GUCY2F: variants seen among roughly 807,000 people sequenced by gnomAD.
The protein encoded by GUCY2F is guanylate cyclase 2F, retinal, also known as retinal guanylyl cyclase 2.
In GUCY2F, 61 loss-of-function variants were observed where a neutral mutation model predicts 73.1. That is an observed-to-expected ratio of 0.83 (90% confidence interval 0.68 to 1.03). The LOEUF (loss-of-function observed/expected upper bound fraction) is 1.03. Ranked by LOEUF, GUCY2F falls within the 50% of genes least tolerant of loss-of-function variation. GUCY2F has a pLI of 0.00. For missense variants in GUCY2F, 912 were observed against 854.3 expected (o/e 1.07, Z -0.84); for synonymous variants, 331 against 307.8 (o/e 1.08, Z -0.79).
intron 3 of GUCY2F, among the ~76,000 whole-genome samples, chrX:109,456,351 AACAC>A (rs751977498): frequency 1.8e-5 from 2 of 110,814 alleles, no homozygotes; most frequent in African/African-American, 6.6e-5. Flanking sequence ...AATAAGTGAA[AACAC>A]ACACACACAC....
At chrX:109,474,000 A>G (rs1411433535) in intron 2 of GUCY2F, among the ~76,000 whole-genome samples, 1 of 112,298 alleles carries the variant, frequency 8.9e-6, no homozygotes, top group Non-Finnish European at 1.9e-5. Context: ...ATTGCTAAAC[A>G]TCACGGAATC....
chrX:109,379,768 C>T (rs595199), intron 17 of GUCY2F, among the ~76,000 whole-genome samples: 11 of 111,558 alleles, frequency 9.9e-5, no homozygotes, highest in Non-Finnish European at 2.1e-4. Context: ...GCCCACAAGG[C>T]GAGAAATATT....
At chrX:109,392,760 A>T in intron 13 of GUCY2F, 132 bp downstream of exon 13, 1 of 434,120 alleles carries the variant, frequency 2.3e-6, no homozygotes, top group South Asian at 4.8e-5. Flanking sequence ...ACTAAAGCCC[A>T]CTAGGAGAAG....
intron 5 of GUCY2F, among the ~76,000 whole-genome samples, chrX:109,451,227 T>A (rs1340815336): frequency 8.9e-6 from 1 of 112,471 alleles, no homozygotes. Context: ...TTAGGCCATC[T>A]TCAGCCACTT....
At chrX:109,467,448 GATTTA>G (rs1382042565) in intron 2 of GUCY2F, among the ~76,000 whole-genome samples, 1 of 112,411 alleles carries the variant, frequency 8.9e-6, no homozygotes, top group Admixed American at 9.4e-5. Flanking sequence ...GATACAATTT[GATTTA>G]ATTTACTTAA....
chrX:109,418,808 CATT>C (rs1159078680), intron 8 of GUCY2F, among the ~76,000 whole-genome samples: 1 of 110,549 alleles, frequency 9.0e-6, no homozygotes, highest in Non-Finnish European at 1.9e-5. Context: ...AAAATCAAAA[CATT>C]GTTCTTTAAA....
In GUCY2F at chrX:109,408,901, T is replaced by C; in HGVS notation, c.1968+91A>G. The stretch of plus-strand genomic sequence containing the variant: ...ATACAGAAAGTAAGGAGTGAAATGA[T>C]CACAACAATCTGAGGAAAATAAAAT... On this transcript the variant is annotated intron_variant, in intron 9 of 19. Transcript: ENST00000218006. The C allele has an allele frequency of 1.6e-5, 8 of 515,216 alleles. No homozygotes were observed. The South Asian group carries it at 2.4e-4, about 15-fold the overall frequency. 42.5% of individuals were successfully genotyped at this position (515,216 alleles called of 1,213,427 possible).
intron 8 of GUCY2F, among the ~76,000 whole-genome samples, chrX:109,414,984 T>C (rs1050647657): frequency 1.6e-4 from 18 of 111,377 alleles, no homozygotes; most frequent in Non-Finnish European, 2.8e-4. Flanking sequence ...TAGCTATTTA[T>C]TTATATTAAA....
intron 14 of GUCY2F, among the ~76,000 whole-genome samples, chrX:109,389,759 A>T (rs1024662020): frequency 4.5e-5 from 5 of 111,565 alleles, no homozygotes; most frequent in African/African-American, 1.6e-4. Context: ...CATCATCAAC[A>T]TTATCATCAT....
intron 11 of GUCY2F, among the ~76,000 whole-genome samples, chrX:109,396,286 G>C (rs1198059542): frequency 9.1e-6 from 1 of 110,083 alleles, no homozygotes; most frequent in African/African-American, 3.3e-5. Context: ...ACAGCCATTA[G>C]TGACAAAAGG....
chrX:109,450,837 G>A (rs769318107), intron 5 of GUCY2F, among the ~76,000 whole-genome samples: 1 of 111,955 alleles, frequency 8.9e-6, no homozygotes, highest in South Asian at 3.7e-4. Flanking sequence ...TTTCAATCCA[G>A]GATTTCCCAG....
At chrX:109,433,994 G>A (rs1931674521) in intron 7 of GUCY2F, among the ~76,000 whole-genome samples, 3 of 110,738 alleles carry the variant, frequency 2.7e-5, no homozygotes, top group Non-Finnish European at 1.9e-5. Context: ...TCTGTGATAA[G>A]AAAGAAAAGA....
chrX:109,411,081 A>T (rs1222884110), intron 8 of GUCY2F, among the ~76,000 whole-genome samples: 1 of 109,833 alleles, frequency 9.1e-6, no homozygotes, highest in Non-Finnish European at 1.9e-5. Flanking sequence ...AGACTCCATG[A>T]TCACTCCCAG....
At chrX:109,424,860 G>A (rs767085343) in intron 8 of GUCY2F, among the ~76,000 whole-genome samples, 99 of 109,585 alleles carry the variant, frequency 9.0e-4, no homozygotes, top group African/African-American at 2.6e-3. Flanking sequence ...TCTGTCACCC[G>A]GGTTCAAGCA....
chrX:109,465,102 T>C, intron 3 of GUCY2F, 40 bp downstream of exon 3: 1 of 1,036,041 alleles, frequency 9.7e-7, no homozygotes, highest in East Asian at 3.1e-5. Context: ...GCTGATGTTT[T>C]AGGTTCTCAG....
chrX:109,457,830 A>G (rs1932289539), intron 3 of GUCY2F, among the ~76,000 whole-genome samples: 1 of 111,945 alleles, frequency 8.9e-6, no homozygotes, highest in South Asian at 3.8e-4. Flanking sequence ...TGCTTAATCA[A>G]ATAACTGTAC....
At position 109,398,542 on chromosome X, in the gene GUCY2F, C is replaced by T. The variant is rs755787775; in HGVS notation, c.2275+7G>A. On this transcript the variant is annotated splice_region_variant and intron_variant, in intron 11 of 19. Coordinates refer to ENST00000218006, the MANE Select transcript of GUCY2F (RefSeq NM_001522.3). ...CCCCTGGGGCCCTTTTCTCACCTCC[C>T]GCTTACCTTGAGCTGGCAGATCCAT... 5.9e-5 allele frequency: 71 copies of T among 1,203,861 alleles called. No individual in the cohort carries two copies. Among genetic ancestry groups the T allele is most frequent in the Non-Finnish European group, 7.6e-5 (68 of 891,454 alleles).
chrX:109,462,943 A>ATG (rs937481129), intron 3 of GUCY2F, among the ~76,000 whole-genome samples: 2 of 110,987 alleles, frequency 1.8e-5, no homozygotes, highest in African/African-American at 3.3e-5. Flanking sequence ...GTTTTCAGTT[A>ATG]TGTGTGTGTG....
intron 8 of GUCY2F, among the ~76,000 whole-genome samples, chrX:109,424,771 T>G (rs1460718259): frequency 2.0e-5 from 2 of 102,016 alleles, no homozygotes; most frequent in African/African-American, 7.7e-5. Context: ...AGGGAACACT[T>G]TTTTTTTTTT....
Sources: gnomAD v4.1 joint callset for allele counts (sites outside exome capture counted in the v4.1 genomes callset) on GRCh38, gnomAD v4.1.1 for gene constraint, MANE v1.5 for transcripts, NCBI Gene and HGNC (gene_info 2026-07-23, HGNC 2026-07-21) for gene names.